The following NKAIN2 variants were observed in gnomAD, a reference collection of about 807,000 sequenced individuals.
NKAIN2 encodes sodium/potassium transporting ATPase interacting 2.
Under a neutral mutation model 32.6 loss-of-function variants are expected in NKAIN2, and 14 were observed. The ratio of observed to expected loss-of-function variants is 0.43; its 90% confidence interval spans 0.28 to 0.67. The LOEUF (loss-of-function observed/expected upper bound fraction) is 0.67. NKAIN2 is among the 30% of genes least tolerant of loss of function. The pLI is 0.17. For synonymous variants in NKAIN2, 80 were observed against 87.2 expected (o/e 0.92, Z 0.46); for missense variants, 198 against 258.3 (o/e 0.77, Z 1.60).
At chr6:124,580,367 G>C (rs1305813077) in intron 3 of NKAIN2, among the ~76,000 whole-genome samples, 2 of 152,118 alleles carry the variant, frequency 1.3e-5, no homozygotes, top group Non-Finnish European at 2.9e-5. Context: ...ATTCAAGTGT[G>C]AAGTTTTTAT....
intron 4 of NKAIN2, among the ~76,000 whole-genome samples, chr6:124,698,584 C>T (rs753692654): frequency 3.9e-5 from 6 of 152,124 alleles, no homozygotes; most frequent in Non-Finnish European, 7.4e-5. Context: ...GATTTACAAC[C>T]GACTTACAAT....
intron 4 of NKAIN2, among the ~76,000 whole-genome samples, chr6:124,785,050 CT>C (rs1779437599): frequency 6.6e-6 from 1 of 152,032 alleles, no homozygotes; most frequent in Non-Finnish European, 1.5e-5. Context: ...TCTCCTTTTC[CT>C]TCAGGACTCC....
intron 1 of NKAIN2, among the ~76,000 whole-genome samples, chr6:124,028,887 G>GTA (rs77593596): frequency 0.015 from 662 of 44,710 alleles, 6 homozygotes; most frequent in African/African-American, 0.023. Context: ...ATATATATGT[G>GTA]TATATATATA....
intron 3 of NKAIN2, among the ~76,000 whole-genome samples, chr6:124,422,698 T>G (rs1774810362): frequency 6.6e-6 from 1 of 152,230 alleles, no homozygotes; most frequent in Non-Finnish European, 1.5e-5. Flanking sequence ...GCAGCTTACT[T>G]GCAATCTGGA....
Position 124,711,742 on chromosome 6 carries a change from G to A in NKAIN2, c.474+53356G>A, listed in dbSNP as rs1258201679. Among the ~76,000 whole-genome samples the A allele has an allele frequency of 4.6e-4, 70 of 151,742 alleles. 2 individuals are homozygous for A. The highest frequency in any genetic ancestry group is 3.9e-4 in the East Asian group (2 of 5,118). ...CTTCTAATTTTTTTTCAAAGTTTTC[G>A]ACTTATTTGCCTTTGGTTTGAATGT... On this transcript the variant is annotated intron_variant, in intron 4 of 6. Transcript: ENST00000368417.
intron 4 of NKAIN2, among the ~76,000 whole-genome samples, chr6:124,785,607 AG>A (rs1272368220): frequency 1.3e-5 from 2 of 152,174 alleles, no homozygotes; most frequent in Non-Finnish European, 2.9e-5. Context: ...ATAGAAGTCC[AG>A]GGTTCCCACT....
chr6:124,333,659 C>CTAAA (rs36098572), intron 2 of NKAIN2, among the ~76,000 whole-genome samples: 68,737 of 146,294 alleles, frequency 0.47, 18,174 homozygotes, highest in South Asian at 0.62. Context: ...GACTCAGTCT[C>CTAAA]TAAATAAATA....
At chr6:124,525,675 T>C (rs983654309) in intron 3 of NKAIN2, among the ~76,000 whole-genome samples, 1 of 138,482 alleles carries the variant, frequency 7.2e-6, no homozygotes, top group South Asian at 2.5e-4. Context: ...TGTAGAGTTA[T>C]AGAATGAATA....
chr6:123,829,465 C>A (rs1028170500), intron 1 of NKAIN2, among the ~76,000 whole-genome samples: 1 of 152,170 alleles, frequency 6.6e-6, no homozygotes, highest in African/African-American at 2.4e-5. Flanking sequence ...CATGTGACAT[C>A]CTGATTCAGG....
At chr6:124,204,469 C>T (rs964941116) in intron 1 of NKAIN2, among the ~76,000 whole-genome samples, 1 of 151,692 alleles carries the variant, frequency 6.6e-6, no homozygotes, top group Non-Finnish European at 1.5e-5. Context: ...AGAGGACTTT[C>T]TATTTGAAAT....
chr6:124,443,715 C>G (rs2114602837), intron 3 of NKAIN2, among the ~76,000 whole-genome samples: 1 of 152,096 alleles, frequency 6.6e-6, no homozygotes. Flanking sequence ...TAGTTCTTAC[C>G]CCACACATCA....
chr6:124,632,257 A>AAACAT (rs1338027417), intron 3 of NKAIN2, among the ~76,000 whole-genome samples: 2 of 152,218 alleles, frequency 1.3e-5, no homozygotes, highest in Non-Finnish European at 2.9e-5. Flanking sequence ...TACACAGGAA[A>AAACAT]AACATATTGA....
chr6:124,112,102 T>G (rs1418284247), intron 1 of NKAIN2, among the ~76,000 whole-genome samples: 1 of 152,152 alleles, frequency 6.6e-6, no homozygotes, highest in African/African-American at 2.4e-5. Context: ...CCACCACCAT[T>G]ACAATAATAC....
chr6:124,416,698 C>T (rs1443688303), intron 3 of NKAIN2, among the ~76,000 whole-genome samples: 3 of 152,088 alleles, frequency 2.0e-5, no homozygotes, highest in African/African-American at 7.2e-5. Context: ...AGAGTCATGA[C>T]ATTCATCACC....
intron 1 of NKAIN2, among the ~76,000 whole-genome samples, chr6:124,205,491 C>G (rs1453186020): frequency 1.3e-5 from 2 of 151,650 alleles, no homozygotes; most frequent in Non-Finnish European, 2.9e-5. Context: ...GTTTATCTCT[C>G]CAAGAAGTAT....
At chr6:123,914,848 G>T (rs1775409366) in intron 1 of NKAIN2, among the ~76,000 whole-genome samples, 1 of 152,150 alleles carries the variant, frequency 6.6e-6, no homozygotes. Flanking sequence ...CTGTGGAATT[G>T]CTCTGACTTA....
chr6:123,839,565 G>A (rs1014448615), intron 1 of NKAIN2, among the ~76,000 whole-genome samples: 5 of 151,528 alleles, frequency 3.3e-5, no homozygotes, highest in African/African-American at 1.2e-4. Context: ...CCCTTTAATA[G>A]CCCAATCTTT....
intron 3 of NKAIN2, among the ~76,000 whole-genome samples, chr6:124,406,329 G>T (rs1349604706): frequency 6.6e-6 from 1 of 151,944 alleles, no homozygotes; most frequent in African/African-American, 2.4e-5. Flanking sequence ...TAAATAAATT[G>T]ATCATACAAT....
At chr6:124,288,645 T>C (rs72963811) in intron 2 of NKAIN2, among the ~76,000 whole-genome samples, 8,983 of 152,228 alleles carry the variant, frequency 0.059, 328 homozygotes, top group Admixed American at 0.09. Context: ...TGATTTTACA[T>C]ATATGCATAT....
Sources: allele counts gnomAD v4.1 joint callset (sites outside exome capture counted in the v4.1 genomes callset), GRCh38; gene constraint gnomAD v4.1.1; transcripts MANE v1.5; gene names NCBI Gene and HGNC (gene_info 2026-07-23, HGNC 2026-07-21).